Variants in PCDHA13 observed in about 807,000 individuals in gnomAD.
PCDHA13 encodes protocadherin alpha-13.
PCDHA13 carries 54 observed loss-of-function variants against 64.8 expected under a neutral mutation model. The ratio of observed to expected loss-of-function variants is 0.83; its 90% confidence interval spans 0.67 to 1.04. The LOEUF (loss-of-function observed/expected upper bound fraction) is 1.04, where lower values mean the gene tolerates loss of function less well. Ranked by LOEUF, PCDHA13 falls within the 50% of genes least tolerant of loss-of-function variation. The pLI is 0.00. For missense variants in PCDHA13, 1,248 were observed against 1,254.3 expected (o/e 0.99, Z 0.08); for synonymous variants, 587 against 564.4 (o/e 1.04, Z -0.57).
At chr5:140,976,637 A>G (rs781951504) in intron 1 of PCDHA13, among the ~76,000 whole-genome samples, 16 of 152,226 alleles carry the variant, frequency 1.1e-4, no homozygotes, top group Non-Finnish European at 1.5e-4. Flanking sequence ...CAGCAATCAG[A>G]CAAGTAATTT....
rs189936741 is a variant in PCDHA13, at chr5:140,928,492, C to T, written c.2394+43830C>T. The T allele has an allele frequency of 1.5e-5, 24 of 1,614,150 alleles. No individual in the cohort carries two copies. In the East Asian group the frequency reaches 5.3e-4, roughly 36 times the overall value. ...AGAAGGCCGGGATGGTGGCATTCCT[C>T]CCAGAAGTGCAACAGTGACTATAAA... On this transcript the variant is annotated intron_variant, in intron 1 of 3. Transcript: ENST00000289272.
rs190030565 is a variant in PCDHA13, at chr5:140,999,153, C to T, written c.2543-10474C>T. Among the ~76,000 whole-genome samples, 42 of 152,242 alleles carry T rather than the reference C, an allele frequency of 2.8e-4. 1 individual carries two copies. In the East Asian group the frequency reaches 5.2e-3, roughly 19 times the overall value. Reference sequence around the variant, plus strand: ...AATGTCACAGCCGGAAGTCTTCAGTCCCCTAGAAGGAAAAGAGCCTGATGG... The same window carrying T: ...AATGTCACAGCCGGAAGTCTTCAGTTCCCTAGAAGGAAAAGAGCCTGATGG... On this transcript the variant is annotated intron_variant, in intron 3 of 3. Coordinates refer to ENST00000289272, the MANE Select transcript of PCDHA13 (RefSeq NM_018904.3).
chr5:140,929,167 T>G (rs781804558), intron 1 of PCDHA13: 2 of 1,614,144 alleles, frequency 1.2e-6, no homozygotes, highest in Non-Finnish European at 1.7e-6. Context: ...CTATCGGGCC[T>G]CTCTGGGACT....
intron 1 of PCDHA13, among the ~76,000 whole-genome samples, chr5:140,913,494 T>C (rs1554195964): frequency 6.6e-6 from 1 of 152,116 alleles, no homozygotes; most frequent in Non-Finnish European, 1.5e-5. Flanking sequence ...CATTAGTCTG[T>C]TTAAAACTTT....
intron 1 of PCDHA13, among the ~76,000 whole-genome samples, chr5:140,961,914 C>T (rs192184): frequency 0.56 from 84,843 of 150,390 alleles, 24,472 homozygotes; most frequent in African/African-American, 0.69. Context: ...GATGGAGTCT[C>T]GCTCTGTTGC....
intron 3 of PCDHA13, among the ~76,000 whole-genome samples, chr5:141,007,300 T>C (rs185284872): frequency 6.6e-6 from 1 of 151,058 alleles, no homozygotes; most frequent in Admixed American, 6.6e-5. Context: ...CCTGTAATCT[T>C]AGCATTTTGG....
chr5:140,955,216 C>T (rs2095153192), intron 1 of PCDHA13, among the ~76,000 whole-genome samples: 2 of 152,122 alleles, frequency 1.3e-5, no homozygotes, highest in East Asian at 3.9e-4. Flanking sequence ...AGCATGATGC[C>T]TCCAGCTTTG....
intron 1 of PCDHA13, chr5:140,968,172 T>C (rs2096226402): frequency 6.2e-7 from 1 of 1,614,110 alleles, no homozygotes; most frequent in Non-Finnish European, 8.5e-7. Flanking sequence ...CCACCAAGCT[T>C]CCTGGAGGAC....
At chr5:140,941,185 C>CTTTT (rs782102770) in intron 1 of PCDHA13, among the ~76,000 whole-genome samples, 28 of 102,174 alleles carry the variant, frequency 2.7e-4, no homozygotes, top group African/African-American at 6.8e-4. Flanking sequence ...CATCCTGCTT[C>CTTTT]TTTTTTTTTC....
chr5:140,897,716 G>A (rs1554187531), intron 1 of PCDHA13, among the ~76,000 whole-genome samples: 1 of 152,144 alleles, frequency 6.6e-6, no homozygotes, highest in African/African-American at 2.4e-5. Context: ...TAATGGGATG[G>A]CTGGGTCAAA....
chr5:140,966,641 A>T, intron 1 of PCDHA13: 1 of 1,104,530 alleles, frequency 9.1e-7, no homozygotes, highest in South Asian at 2.2e-5. Flanking sequence ...GGCGCTTTCT[A>T]GAGCGTGAGC....
chr5:140,944,929 C>T (rs1387660974), intron 1 of PCDHA13, among the ~76,000 whole-genome samples: 1 of 152,052 alleles, frequency 6.6e-6, no homozygotes, highest in Non-Finnish European at 1.5e-5. Flanking sequence ...TGGTTTATGC[C>T]TTCTTTAGAT....
At chr5:140,934,029 T>A (rs1267400545) in intron 1 of PCDHA13, among the ~76,000 whole-genome samples, 1 of 152,114 alleles carries the variant, frequency 6.6e-6, no homozygotes, top group Admixed American at 6.5e-5. Flanking sequence ...GGAAGTAGTT[T>A]ATTAATGATA....
rs375481139 is a variant in PCDHA13 at position 140,894,977 on chromosome 5, C to T, written c.2394+10315C>T. ...AAAAATATAATTTTTTAATGTCTTA[C>T]TTTGTGACATCCTTTACCCTTTTTA... On this transcript the variant is annotated intron_variant, in intron 1 of 3. Coordinates refer to ENST00000289272, the MANE Select transcript of PCDHA13 (RefSeq NM_018904.3). Among the ~76,000 whole-genome samples the T allele has an allele frequency of 4.5e-4, 69 of 152,216 alleles. No homozygotes were observed. The South Asian group carries it at 0.014, about 30-fold the overall frequency.
chr5:140,883,433 T>G lies in PCDHA13; in HGVS notation c.1165T>G (p.Leu389Val), dbSNP rs201972709. 38 of 1,614,170 alleles carry G rather than the reference T, an allele frequency of 2.4e-5. No individual in the cohort carries two copies. In the East Asian group the frequency reaches 7.8e-4, roughly 33 times the overall value. ...SGSNGQVTCT[L>V]TPHVPFKLVS... is the part of the protein sequence containing the mutation. ...CTCAAATGGACAGGTCACCTGCACC[T>G]TGACGCCGCATGTCCCCTTCAAGCT... The change falls in exon 1 of 4, where the codon TTG (leucine) becomes GTG (valine). Residue 389 changes from leucine to valine, a missense_variant. By Grantham distance (32) the Leu-to-Val change is conservative. Transcript: ENST00000289272.
In PCDHA13 at chr5:141,011,249, G is replaced by A. The variant is rs1159894108; in HGVS notation, c.*1312G>A. The A allele has an allele frequency of 6.5e-6, 1 of 153,682 alleles. No homozygotes were observed. The highest frequency in any genetic ancestry group is 1.5e-5 in the Non-Finnish European group (1 of 68,038). The allele number at this position is 153,682 out of a possible 1,614,324, so 9.5% of individuals were successfully genotyped here. On this transcript the variant is annotated 3_prime_UTR_variant, in exon 4 of 4. Coordinates refer to ENST00000289272, the MANE Select transcript of PCDHA13 (RefSeq NM_018904.3). ...TACTAATTCTGTGACTTGTCTTGGT[G>A]TGCTAGCCTACACCTTCTCTTTGGT... is the stretch of plus-strand genomic sequence containing the variant.
At chr5:140,967,144 C>T (rs1042081336) in intron 1 of PCDHA13, 9 of 1,611,144 alleles carry the variant, frequency 5.6e-6, no homozygotes, top group Non-Finnish European at 7.6e-6. Context: ...TGCTGGCGCA[C>T]AACCCCGTGG....
At position 140,927,971 on chromosome 5, in the gene PCDHA13, C is replaced by T. The variant is rs868922082; in HGVS notation, c.2394+43309C>T. On this transcript the variant is annotated intron_variant, in intron 1 of 3. Transcript: ENST00000289272. ...GACGCTGCCCCTGGCACAGTGATTGCTCTCTTTAGTGTAAAGGATGAAGAC... is the reference window on the plus strand; with the variant it reads ...GACGCTGCCCCTGGCACAGTGATTGTTCTCTTTAGTGTAAAGGATGAAGAC... 5.0e-6 allele frequency: 8 copies of T among 1,614,224 alleles called. No homozygotes were observed. In the African/African-American group the frequency reaches 9.3e-5, roughly 19 times the overall value.
rs140457638 is a variant in PCDHA13, at chr5:140,883,730, G to T, written c.1462G>T (p.Ala488Ser). The change falls in exon 1 of 4, where the codon GCG (alanine) becomes TCG (serine). Residue 488 changes from alanine to serine, a missense_variant. By Grantham distance (99) the Ala-to-Ser change is moderately conservative. Coordinates refer to ENST00000289272, the MANE Select transcript of PCDHA13 (RefSeq NM_018904.3). ...SAQDADAQEN[A>S]LVSYSLVERR... ...TCAGGACGCGGACGCACAGGAGAAC[G>T]CGCTGGTCTCCTACTCGCTGGTGGA... 4.3e-6 allele frequency: 7 copies of T among 1,613,530 alleles called. No homozygotes were observed. The East Asian group carries it at 1.6e-4, about 36-fold the overall frequency.
Sources: gnomAD v4.1 joint callset for allele counts (sites outside exome capture counted in the v4.1 genomes callset) on GRCh38, gnomAD v4.1.1 for gene constraint, MANE v1.5 for transcripts, NCBI Gene and HGNC (gene_info 2026-07-23, HGNC 2026-07-21) for gene names.